Variants in RBM6 observed in about 807,000 individuals in gnomAD.
RBM6 encodes the protein RNA binding motif protein 6.
Under a neutral mutation model 140.4 loss-of-function variants are expected in RBM6, and 23 were observed. The observed-to-expected ratio is 0.16, with a 90% CI of 0.12 to 0.23. RBM6 has a LOEUF of 0.23. RBM6 is among the 10% of genes least tolerant of loss of function. The probability of loss-of-function intolerance (pLI) is 1.00; values close to 1 mark genes in which losing one functional copy is unlikely to be tolerated. For synonymous variants in RBM6, 439 were observed against 475.6 expected (o/e 0.92, Z 1.00); for missense variants, 1,139 against 1,386.7 (o/e 0.82, Z 2.84).
At chr3:49,957,893 G>A (rs1481977496) in intron 1 of RBM6, among the ~76,000 whole-genome samples, 3 of 150,726 alleles carry the variant, frequency 2.0e-5, no homozygotes, top group African/African-American at 4.9e-5. Flanking sequence ...GTGCAATGGC[G>A]CAATCTCAGC....
chr3:50,052,986 G>GGTGTGTGT (rs57244510), intron 7 of RBM6, among the ~76,000 whole-genome samples: 288 of 134,748 alleles, frequency 2.1e-3, no homozygotes, highest in African/African-American at 3.4e-3. Context: ...AGTGGGCAGG[G>GGTGTGTGT]GTGTGTGTGT....
At chr3:49,942,410 A>C (rs889267434) in intron 1 of RBM6, among the ~76,000 whole-genome samples, 4 of 146,300 alleles carry the variant, frequency 2.7e-5, no homozygotes, top group Admixed American at 7.0e-5. Flanking sequence ...AATGGTGTGA[A>C]CCCGAGAGGC....
chr3:49,956,162 A>G (rs982322966), intron 1 of RBM6, among the ~76,000 whole-genome samples: 6 of 151,818 alleles, frequency 4.0e-5, no homozygotes, highest in Non-Finnish European at 2.9e-5. Flanking sequence ...AGCTGGTAGT[A>G]TAGGTGTGCC....
At chr3:50,070,004 AG>A (rs2090248837) in intron 18 of RBM6, among the ~76,000 whole-genome samples, 1 of 152,196 alleles carries the variant, frequency 6.6e-6, no homozygotes, top group African/African-American at 2.4e-5. Flanking sequence ...TTTCTCTAGA[AG>A]AACGTGTAAA....
At chr3:50,025,641 T>C (rs1435302626) in intron 6 of RBM6, among the ~76,000 whole-genome samples, 1 of 132,974 alleles carries the variant, frequency 7.5e-6, no homozygotes, top group African/African-American at 2.7e-5. Context: ...CCCAGGCTGG[T>C]TGGGAACTCC....
intron 6 of RBM6, 131 bp downstream of exon 6, chr3:49,999,644 A>G (rs2086235129): frequency 5.2e-6 from 4 of 764,868 alleles, no homozygotes; most frequent in African/African-American, 1.8e-5. Flanking sequence ...TATTCCAACC[A>G]TCGGTTGTGA....
At chr3:49,969,477 ATG>A (rs2084679716) in intron 3 of RBM6, among the ~76,000 whole-genome samples, 1 of 146,994 alleles carries the variant, frequency 6.8e-6, no homozygotes, top group Non-Finnish European at 1.5e-5. Context: ...ATATATATAT[ATG>A]AATATATATG....
At chr3:50,040,542 A>G (rs1480835244) in intron 6 of RBM6, among the ~76,000 whole-genome samples, 2 of 148,350 alleles carry the variant, frequency 1.3e-5, no homozygotes, top group African/African-American at 2.5e-5. Flanking sequence ...ACACACACAC[A>G]TGCATATATA....
chr3:49,956,550 T>C (rs2083998848), intron 1 of RBM6, among the ~76,000 whole-genome samples: 1 of 151,990 alleles, frequency 6.6e-6, no homozygotes, highest in South Asian at 2.1e-4. Context: ...CAGGCTGGTC[T>C]CGAACTCCTG....
rs540471582 is a variant in RBM6, at chr3:50,012,365, T to C, written c.1557+12852T>C. Among the ~76,000 whole-genome samples the C allele has an allele frequency of 2.5e-4, 38 of 151,544 alleles. No individual in the cohort carries two copies. The South Asian group carries it at 7.7e-3, about 31-fold the overall frequency. ...GCCCAGTCCATTCCAATTTTTTTTT[T>C]CTTTTTTTTTGAGATAGAGCCTCAC... On this transcript the variant is annotated intron_variant, in intron 6 of 20. Coordinates refer to ENST00000266022, the MANE Select transcript of RBM6 (RefSeq NM_005777.3).
intron 6 of RBM6, among the ~76,000 whole-genome samples, chr3:50,022,635 T>C (rs2087561340): frequency 6.6e-6 from 1 of 152,100 alleles, no homozygotes; most frequent in African/African-American, 2.4e-5. Context: ...TGACAAATGA[T>C]GTAGTTTTTC....
chr3:50,066,646 G>A, intron 17 of RBM6, 144 bp downstream of exon 17: 2 of 1,071,102 alleles, frequency 1.9e-6, no homozygotes, highest in Non-Finnish European at 2.7e-6. Context: ...TGGGCAACAT[G>A]GTGAAACCCC....
intron 5 of RBM6, among the ~76,000 whole-genome samples, chr3:49,992,782 G>C (rs1485444553): frequency 6.6e-6 from 1 of 152,152 alleles, no homozygotes; most frequent in African/African-American, 2.4e-5. Flanking sequence ...TGGGACCTCT[G>C]TTTTTTTGGT....
chr3:50,013,136 C>T, intron 6 of RBM6, among the ~76,000 whole-genome samples: 1 of 152,140 alleles, frequency 6.6e-6, no homozygotes. Context: ...CTTGACCTCC[C>T]ACCAGACTCT....
intron 6 of RBM6, among the ~76,000 whole-genome samples, chr3:50,046,755 A>G (rs1338751810): frequency 6.6e-6 from 1 of 152,142 alleles, no homozygotes; most frequent in Non-Finnish European, 1.5e-5. Context: ...GAAGCTGGTG[A>G]ATGAAACAGG....
chr3:49,988,825 G>A (rs1032145360), intron 5 of RBM6, among the ~76,000 whole-genome samples: 1 of 151,962 alleles, frequency 6.6e-6, no homozygotes, highest in Non-Finnish European at 1.5e-5. Flanking sequence ...AGCTGGGTGT[G>A]GTGGCACACG....
chr3:49,965,952 C>T (rs2084498439), intron 2 of RBM6, among the ~76,000 whole-genome samples: 1 of 151,826 alleles, frequency 6.6e-6, no homozygotes, highest in Non-Finnish European at 1.5e-5. Flanking sequence ...ATGGTAAAAC[C>T]CCATCTCTGC....
At chr3:50,066,119 T>C in intron 16 of RBM6, 123 bp from the exon 17 acceptor site, 1 of 1,074,352 alleles carries the variant, frequency 9.3e-7, no homozygotes, top group Non-Finnish European at 1.3e-6. Flanking sequence ...ATGAGCAGCA[T>C]GGCTAGTGAG....
chr3:50,046,004 C>A (rs925422840), intron 6 of RBM6, among the ~76,000 whole-genome samples: 1 of 152,068 alleles, frequency 6.6e-6, no homozygotes. Flanking sequence ...CATCTTAGGC[C>A]GGACACAGTG....
Sources: gnomAD v4.1 joint callset for allele counts (sites outside exome capture counted in the v4.1 genomes callset) on GRCh38, gnomAD v4.1.1 for gene constraint, MANE v1.5 for transcripts, NCBI Gene and HGNC (gene_info 2026-07-23, HGNC 2026-07-21) for gene names.